The following AFG2A variants were observed in gnomAD, a reference collection of about 807,000 sequenced individuals.
The protein encoded by AFG2A is AAA ATPase AFG2A.
chr4:123,170,782 T>A, the AFG2A span, among the ~76,000 whole-genome samples: 1 of 152,166 alleles, frequency 6.6e-6, no homozygotes, highest in Admixed American at 6.5e-5. Context: ...TAGTTTATGA[T>A]TTTTCTTCTT....
At chr4:123,165,679 T>C in the AFG2A span, among the ~76,000 whole-genome samples, 1 of 152,178 alleles carries the variant, frequency 6.6e-6, no homozygotes, top group East Asian at 1.9e-4. Flanking sequence ...TTTATATCCA[T>C]ATAAATTCGG....
At chr4:123,083,198 C>T in the AFG2A span, among the ~76,000 whole-genome samples, 1 of 152,102 alleles carries the variant, frequency 6.6e-6, no homozygotes, top group Non-Finnish European at 1.5e-5. Flanking sequence ...TCATCCTTGC[C>T]TTGTTCTTAA....
the AFG2A span, among the ~76,000 whole-genome samples, chr4:123,219,501 C>T: frequency 6.6e-6 from 1 of 152,166 alleles, no homozygotes; most frequent in African/African-American, 2.4e-5. Context: ...ATTAACTAAC[C>T]GTCACAACCG....
the AFG2A span, among the ~76,000 whole-genome samples, chr4:123,180,039 G>A: frequency 2.6e-5 from 4 of 152,054 alleles, no homozygotes; most frequent in African/African-American, 7.2e-5. Context: ...GGCCAACCTG[G>A]TGAAATCTCA....
the AFG2A span, among the ~76,000 whole-genome samples, chr4:123,255,392 C>T: frequency 2.0e-5 from 3 of 151,832 alleles, no homozygotes; most frequent in Non-Finnish European, 4.4e-5. Flanking sequence ...TGGCATGTGC[C>T]TGTAGTCCCA....
the AFG2A span, among the ~76,000 whole-genome samples, chr4:122,999,751 A>T: frequency 6.6e-6 from 1 of 152,298 alleles, no homozygotes; most frequent in East Asian, 1.9e-4. Flanking sequence ...TGATGCCTCC[A>T]GCTTTGTTCT....
the AFG2A span, among the ~76,000 whole-genome samples, chr4:123,212,825 G>A: frequency 2.6e-5 from 4 of 152,114 alleles, no homozygotes; most frequent in African/African-American, 9.7e-5. Context: ...CTTAACCTCA[G>A]TCAAGTTACT....
At chr4:123,003,336 T>C in the AFG2A span, among the ~76,000 whole-genome samples, 1 of 152,232 alleles carries the variant, frequency 6.6e-6, no homozygotes, top group African/African-American at 2.4e-5. Flanking sequence ...AGCTTTGTTC[T>C]GTTGCTGGTG....
chr4:122,929,154 G>A, the AFG2A span: 1 of 1,612,514 alleles, frequency 6.2e-7, no homozygotes, highest in Admixed American at 1.7e-5. Context: ...CCAGCCTCTT[G>A]TGGGTGCTGT....
the AFG2A span, among the ~76,000 whole-genome samples, chr4:123,306,795 A>G: frequency 6.6e-6 from 1 of 152,136 alleles, no homozygotes; most frequent in African/African-American, 2.4e-5. Context: ...TTTTTAGTCA[A>G]AACTGAATAA....
the AFG2A span, among the ~76,000 whole-genome samples, chr4:123,108,277 A>G: frequency 6.6e-6 from 1 of 152,328 alleles, no homozygotes; most frequent in East Asian, 1.9e-4. Context: ...GATATTTTAC[A>G]TGTAAATCTT....
the AFG2A span, among the ~76,000 whole-genome samples, chr4:122,981,287 G>A: frequency 6.6e-6 from 1 of 152,040 alleles, no homozygotes; most frequent in South Asian, 2.1e-4. Flanking sequence ...TTGTGCTTTC[G>A]TCATTGCGTG....
At chr4:123,168,446 T>C in the AFG2A span, among the ~76,000 whole-genome samples, 2 of 152,174 alleles carry the variant, frequency 1.3e-5, no homozygotes, top group African/African-American at 4.8e-5. Context: ...CATATATTTT[T>C]ATATAATTTT....
At chr4:123,196,978 G>A in the AFG2A span, among the ~76,000 whole-genome samples, 1 of 152,148 alleles carries the variant, frequency 6.6e-6, no homozygotes, top group African/African-American at 2.4e-5. Flanking sequence ...TATTAACAGT[G>A]GCACTTGTTT....
chr4:123,007,340 G>C, the AFG2A span, among the ~76,000 whole-genome samples: 4 of 151,608 alleles, frequency 2.6e-5, no homozygotes, highest in African/African-American at 9.7e-5. Context: ...TGTGAGCTTT[G>C]AGTATTATTT....
At chr4:123,087,916 C>T in the AFG2A span, among the ~76,000 whole-genome samples, 1 of 152,234 alleles carries the variant, frequency 6.6e-6, no homozygotes, top group Admixed American at 6.5e-5. Context: ...TCTTAACGTT[C>T]TGGACCAGAA....
At chr4:123,043,110 T>C in the AFG2A span, among the ~76,000 whole-genome samples, 2 of 152,204 alleles carry the variant, frequency 1.3e-5, no homozygotes, top group African/African-American at 4.8e-5. Flanking sequence ...TCTGATAATA[T>C]CTTGTCCTCA....
At chr4:123,315,272 C>T in the AFG2A span, 1 of 151,538 alleles carries the variant, frequency 6.6e-6, no homozygotes, top group Non-Finnish European at 1.5e-5. Context: ...CAAGCTCTGC[C>T]TCCTGGGTTT....
the AFG2A span, among the ~76,000 whole-genome samples, chr4:122,984,847 T>A: frequency 6.6e-6 from 1 of 152,228 alleles, no homozygotes; most frequent in Non-Finnish European, 1.5e-5. Flanking sequence ...TTGGATTTGG[T>A]TAGCTAGTAG....
Sources: gnomAD v4.1 joint callset for allele counts (sites outside exome capture counted in the v4.1 genomes callset) on GRCh38, gnomAD v4.1.1 for gene constraint, MANE v1.5 for transcripts, NCBI Gene and HGNC (gene_info 2026-07-23, HGNC 2026-07-21) for gene names.